The following SDK1 variants were observed in gnomAD, a reference collection of about 807,000 sequenced individuals.
SDK1 encodes the protein sidekick cell adhesion molecule 1, also known as protein sidekick-1.
A neutral mutation model predicts 245.5 loss-of-function variants in SDK1; 157 were observed. The ratio of observed to expected loss-of-function variants is 0.64; its 90% CI spans 0.56 to 0.73. SDK1 has a LOEUF of 0.73. Ranked by LOEUF, SDK1 falls within the 30% of genes least tolerant of loss-of-function variation. The probability of loss-of-function intolerance (pLI) is 0.00; values close to 1 mark genes in which losing one functional copy is unlikely to be tolerated. For missense variants in SDK1, 3,583 were observed against 3,002.3 expected (o/e 1.19, Z -4.52); for synonymous variants, 1,647 against 1,278.5 (o/e 1.29, Z -6.15).
At chr7:3,993,317 T>C (rs1011452275) in intron 14 of SDK1, among the ~76,000 whole-genome samples, 18 of 152,200 alleles carry the variant, frequency 1.2e-4, no homozygotes, top group Non-Finnish European at 1.9e-4. Flanking sequence ...ATGGTGGCCT[T>C]CTACCAGTTA....
intron 1 of SDK1, among the ~76,000 whole-genome samples, chr7:3,313,305 G>T (rs1473511092): frequency 3.9e-5 from 6 of 152,176 alleles, no homozygotes; most frequent in Non-Finnish European, 7.4e-5. Context: ...TACTTGGGAG[G>T]CTGAAGCAGG....
intron 1 of SDK1, among the ~76,000 whole-genome samples, chr7:3,411,086 A>T (rs1779187075): frequency 6.6e-6 from 1 of 152,150 alleles, no homozygotes; most frequent in Non-Finnish European, 1.5e-5. Context: ...TAAGAAAGAA[A>T]AACTTACAGA....
At chr7:3,493,591 T>C (rs1042001027) in intron 1 of SDK1, among the ~76,000 whole-genome samples, 2 of 152,224 alleles carry the variant, frequency 1.3e-5, no homozygotes, top group African/African-American at 4.8e-5. Flanking sequence ...CACTATTATT[T>C]AACTAAAGGA....
chr7:4,237,593 A>G, intron 41 of SDK1, 54 bp from the exon 42 acceptor site: 2 of 1,606,868 alleles, frequency 1.2e-6, no homozygotes, highest in South Asian at 2.2e-5. Flanking sequence ...GCGGGAGGTG[A>G]CTGCAGCTGG....
chr7:3,359,500 T>G (rs1780895370), intron 1 of SDK1, among the ~76,000 whole-genome samples: 1 of 152,144 alleles, frequency 6.6e-6, no homozygotes, highest in Non-Finnish European at 1.5e-5. Flanking sequence ...AGCCTTTAGT[T>G]TTTAATTTTT....
At chr7:4,114,951 C>A (rs181260044) in intron 25 of SDK1, among the ~76,000 whole-genome samples, 49 of 152,304 alleles carry the variant, frequency 3.2e-4, no homozygotes, top group African/African-American at 1.2e-3. Context: ...TGCCAGGAAG[C>A]AATGGAGCAG....
intron 40 of SDK1, among the ~76,000 whole-genome samples, chr7:4,226,747 A>G (rs610962): frequency 0.63 from 95,823 of 152,100 alleles, 31,365 homozygotes; most frequent in African/African-American, 0.78. Flanking sequence ...TATGCACTGG[A>G]CATATGCAGA....
intron 1 of SDK1, among the ~76,000 whole-genome samples, chr7:3,383,741 A>T (rs1030385077): frequency 6.6e-6 from 1 of 152,252 alleles, no homozygotes; most frequent in African/African-American, 2.4e-5. Context: ...AAGGTTAATG[A>T]TTATCAAACA....
At chr7:4,139,425 GTATGTATATA>G (rs1779324215) in intron 28 of SDK1, among the ~76,000 whole-genome samples, 1 of 128,138 alleles carries the variant, frequency 7.8e-6, no homozygotes, top group Non-Finnish European at 1.7e-5. Flanking sequence ...GTGTGTGTGT[GTATGTATATA>G]TGTGTGTGTA....
At chr7:3,632,116 G>A (rs796403167) in intron 2 of SDK1, among the ~76,000 whole-genome samples, 13 of 152,206 alleles carry the variant, frequency 8.5e-5, no homozygotes, top group African/African-American at 3.1e-4. Context: ...CTAAGAAAAG[G>A]CAATGTCCTC....
chr7:3,859,630 AC>A (rs1373403645), intron 5 of SDK1, among the ~76,000 whole-genome samples: 1 of 152,084 alleles, frequency 6.6e-6, no homozygotes, highest in Non-Finnish European at 1.5e-5. Flanking sequence ...AAAGAAAGTC[AC>A]CCCATAAAAA....
intron 43 of SDK1, among the ~76,000 whole-genome samples, chr7:4,242,516 G>A (rs890727898): frequency 3.3e-5 from 5 of 152,062 alleles, no homozygotes; most frequent in Admixed American, 6.6e-5. Context: ...TGTGCAGAGC[G>A]CCATCCTCTG....
intron 1 of SDK1, among the ~76,000 whole-genome samples, chr7:3,361,966 A>G (rs1463938789): frequency 6.6e-6 from 1 of 152,222 alleles, no homozygotes; most frequent in Non-Finnish European, 1.5e-5. Flanking sequence ...TTTTCTCCAC[A>G]TTGAGTTATG....
At chr7:3,793,923 C>T (rs984421856) in intron 4 of SDK1, among the ~76,000 whole-genome samples, 1 of 152,048 alleles carries the variant, frequency 6.6e-6, no homozygotes, top group African/African-American at 2.4e-5. Flanking sequence ...GTGCTCCCTG[C>T]CCTGTTCTGG....
At chr7:3,597,071 C>T (rs1327791993) in intron 1 of SDK1, among the ~76,000 whole-genome samples, 2 of 151,770 alleles carry the variant, frequency 1.3e-5, no homozygotes, top group Non-Finnish European at 2.9e-5. Flanking sequence ...GAGATCGAAA[C>T]CATCCTGGCT....
intron 1 of SDK1, among the ~76,000 whole-genome samples, chr7:3,421,322 C>T (rs1336491125): frequency 1.3e-5 from 2 of 152,054 alleles, no homozygotes; most frequent in Non-Finnish European, 2.9e-5. Flanking sequence ...CCCGCCTGCC[C>T]TCCTCGGCCT....
At chr7:3,523,797 T>C (rs1783025307) in intron 1 of SDK1, among the ~76,000 whole-genome samples, 1 of 152,256 alleles carries the variant, frequency 6.6e-6, no homozygotes, top group African/African-American at 2.4e-5. Context: ...TTAAATATTC[T>C]ACCAGCCAAT....
At chr7:3,565,569 A>G (rs1016711682) in intron 1 of SDK1, among the ~76,000 whole-genome samples, 2 of 152,238 alleles carry the variant, frequency 1.3e-5, no homozygotes, top group African/African-American at 4.8e-5. Context: ...ACTAAAGAGT[A>G]CAATGACATT....
At chr7:3,550,972 C>G (rs756104417) in intron 1 of SDK1, among the ~76,000 whole-genome samples, 32 of 152,292 alleles carry the variant, frequency 2.1e-4, no homozygotes, top group Non-Finnish European at 4.3e-4. Flanking sequence ...AAGGTTTACA[C>G]AGAATGTATA....
Sources: gnomAD v4.1 joint callset for allele counts (sites outside exome capture counted in the v4.1 genomes callset) on GRCh38, gnomAD v4.1.1 for gene constraint, MANE v1.5 for transcripts, NCBI Gene and HGNC (gene_info 2026-07-23, HGNC 2026-07-21) for gene names.